Variants in CDK15 observed in about 807,000 individuals in gnomAD.
CDK15 encodes the protein cyclin-dependent kinase 15.
CDK15 carries 62 observed loss-of-function variants against 60.3 expected under a neutral mutation model. That is an observed-to-expected ratio of 1.03 (90% CI 0.84 to 1.27). CDK15 has a LOEUF of 1.27. Among genes scored for constraint, CDK15 ranks in the 50% most tolerant of loss-of-function variants. The pLI is 0.00. For missense variants in CDK15, 541 were observed against 527.8 expected, an observed-to-expected ratio of 1.03 and a Z score of -0.25; for synonymous variants, 194 against 195.7, an observed-to-expected ratio of 0.99 and a Z score of 0.07.
intron 3 of CDK15, among the ~76,000 whole-genome samples, chr2:201,811,563 T>TA (rs1316744197): frequency 2.0e-5 from 3 of 152,194 alleles, no homozygotes; most frequent in Non-Finnish European, 4.4e-5. Flanking sequence ...CCCACTGTAT[T>TA]AAAAACAATG....
At chr2:201,838,025 T>C (rs553714092) in intron 8 of CDK15, among the ~76,000 whole-genome samples, 8 of 152,186 alleles carry the variant, frequency 5.3e-5, no homozygotes, top group Non-Finnish European at 1.0e-4. Context: ...TTCAAAGGAC[T>C]CCGGCAGGCT....
At chr2:201,877,417 C>T (rs569902099) in intron 11 of CDK15, among the ~76,000 whole-genome samples, 5 of 152,078 alleles carry the variant, frequency 3.3e-5, no homozygotes, top group African/African-American at 9.7e-5. Context: ...ACCACCTACC[C>T]GCCCTCCCCA....
At chr2:201,891,269 C>T (rs1699631911) in intron 13 of CDK15, among the ~76,000 whole-genome samples, 1 of 152,220 alleles carries the variant, frequency 6.6e-6, no homozygotes, top group African/African-American at 2.4e-5. Flanking sequence ...CACTGCACTC[C>T]TGGTGCGTCA....
At chr2:201,832,423 C>T (rs1309411092) in intron 6 of CDK15, among the ~76,000 whole-genome samples, 1 of 152,132 alleles carries the variant, frequency 6.6e-6, no homozygotes, top group South Asian at 2.1e-4. Flanking sequence ...TTTGTATTAC[C>T]TTTTCCATGG....
chr2:201,823,638 C>T, intron 5 of CDK15, 27 bp from the exon 6 acceptor site: 1 of 1,605,804 alleles, frequency 6.2e-7, no homozygotes, highest in Non-Finnish European at 8.5e-7. Context: ...AATTCACTCA[C>T]TTCTCTTTCT....
chr2:201,855,602 A>G (rs940438143), intron 10 of CDK15, among the ~76,000 whole-genome samples: 17 of 152,158 alleles, frequency 1.1e-4, no homozygotes, highest in Admixed American at 7.9e-4. Context: ...AGGGGAGGAG[A>G]CAGGCACTGA....
intron 6 of CDK15, chr2:201,824,816 G>T: frequency 1.5e-6 from 1 of 672,356 alleles, no homozygotes; most frequent in South Asian, 2.6e-5. Context: ...CCATCTGAAG[G>T]ACAGTGTTAC....
chr2:201,807,817 TTC>T (rs1335912156), intron 2 of CDK15, 39 bp from the exon 3 acceptor site: 4 of 1,580,208 alleles, frequency 2.5e-6, no homozygotes, highest in African/African-American at 1.4e-5. Context: ...TCTTTCTCTC[TTC>T]CCTTTCACCC....
chr2:201,810,496 A>G (rs1559112217), intron 3 of CDK15, among the ~76,000 whole-genome samples: 1 of 152,214 alleles, frequency 6.6e-6, no homozygotes, highest in South Asian at 2.1e-4. Flanking sequence ...GCAACCAAAA[A>G]AAGTGGTATT....
chr2:201,890,986 G>T, intron 13 of CDK15, 59 bp downstream of exon 13: 1 of 861,700 alleles, frequency 1.2e-6, no homozygotes. Context: ...ATTGGTGCCG[G>T]GTGGAGAGGA....
intron 10 of CDK15, among the ~76,000 whole-genome samples, chr2:201,864,831 G>A (rs78600158): frequency 0.028 from 4,268 of 152,256 alleles, 202 homozygotes; most frequent in African/African-American, 0.097. Context: ...TATCTAAAAA[G>A]CAAGTAGAAA....
intron 11 of CDK15, among the ~76,000 whole-genome samples, chr2:201,878,783 TG>T (rs1699172143): frequency 6.6e-6 from 1 of 152,244 alleles, no homozygotes; most frequent in Non-Finnish European, 1.5e-5. Context: ...GCTTCACAGA[TG>T]GCACCTTCTC....
intron 4 of CDK15, among the ~76,000 whole-genome samples, chr2:201,822,187 T>TG (rs1696257975): frequency 6.6e-6 from 1 of 152,198 alleles, no homozygotes; most frequent in African/African-American, 2.4e-5. Context: ...TTCACCTCCC[T>TG]GGGCTCCCCA....
chr2:201,814,334 GTTTGT>G (rs979918370), intron 4 of CDK15, among the ~76,000 whole-genome samples: 6 of 152,144 alleles, frequency 3.9e-5, no homozygotes, highest in African/African-American at 1.4e-4. Flanking sequence ...GACTTTCTTG[GTTTGT>G]TTTATGGACT....
chr2:201,881,573 CTA>C (rs1362659465), intron 12 of CDK15, among the ~76,000 whole-genome samples: 2 of 152,088 alleles, frequency 1.3e-5, no homozygotes, highest in Non-Finnish European at 2.9e-5. Flanking sequence ...TGTGCAGAGA[CTA>C]TGTGTGTGTT....
At chr2:201,847,590 T>A in intron 9 of CDK15, 116 bp downstream of exon 9, 1 of 833,366 alleles carries the variant, frequency 1.2e-6, no homozygotes, top group Non-Finnish European at 1.9e-6. Context: ...AGCCCTATAT[T>A]AAGATTGTAG....
intron 10 of CDK15, among the ~76,000 whole-genome samples, chr2:201,859,561 C>T (rs1239757837): frequency 6.6e-6 from 1 of 152,122 alleles, no homozygotes; most frequent in Non-Finnish European, 1.5e-5. Context: ...CTTTCCATTT[C>T]ATTCGAAGTA....
At position 201,890,894 on chromosome 2, in the gene CDK15, A is replaced by C. The variant is rs1699620800; in HGVS notation, c.1308A>C (p.Ter436CysextTer48). 6.2e-7 allele frequency: 1 copy of C among 1,609,752 alleles called. No individual in the cohort carries two copies. The highest frequency in any genetic ancestry group is 1.1e-5 in the South Asian group (1 of 90,730). The stretch of plus-strand genomic sequence containing the variant: ...CAGCCCAGTTTAGCAAATGCTGGTG[A>C]AAAGAAAGGGCGAGATCACCAAGGT... ...HHPAQFSKCW[*>C] Residue 436 changes from the stop codon to cysteine (C), a stop_lost, in exon 13 of 14, where the codon TGA becomes TGC. Transcript: ENST00000652192.
chr2:201,872,349 A>G, intron 11 of CDK15, 23 bp downstream of exon 11: 2 of 1,359,224 alleles, frequency 1.5e-6, no homozygotes, highest in Non-Finnish European at 2.0e-6. Context: ...TCAGGAAGGG[A>G]TCTTTAAGGG....
Sources: allele counts gnomAD v4.1 joint callset (sites outside exome capture counted in the v4.1 genomes callset), GRCh38; gene constraint gnomAD v4.1.1; transcripts MANE v1.5; gene names NCBI Gene and HGNC (gene_info 2026-07-23, HGNC 2026-07-21).